The following SIM1 variants were observed in gnomAD, a reference collection of about 807,000 sequenced individuals.
SIM1 encodes the protein single-minded homolog 1.
Under a neutral mutation model 78.2 loss-of-function variants are expected in SIM1, and 18 were observed. The observed-to-expected ratio is 0.23, with a 90% confidence interval of 0.16 to 0.34. The LOEUF (loss-of-function observed/expected upper bound fraction) is 0.34, where lower values mean the gene tolerates loss of function less well. Ranked by LOEUF, SIM1 falls within the 10% of genes least tolerant of loss-of-function variation. The probability of loss-of-function intolerance (pLI) is 1.00; values close to 1 mark genes in which losing one functional copy is unlikely to be tolerated. For synonymous variants in SIM1, 417 were observed against 385.2 expected (o/e 1.08, Z -0.97); for missense variants, 939 against 975.1 (o/e 0.96, Z 0.49).
intron 10 of SIM1, among the ~76,000 whole-genome samples, chr6:100,394,651 C>T (rs780968840): frequency 8.5e-5 from 13 of 152,106 alleles, no homozygotes; most frequent in Non-Finnish European, 1.6e-4. Context: ...GCAATTCTCC[C>T]GCCTCAGCCT....
Position 100,427,614 on chromosome 6 carries a change from A to T in SIM1, c.999-6656T>A, listed in dbSNP as rs144205924. ...AAATTGTGAAATGTTGATATGTGGC[A>T]AAGTCAGTCAGCCTCATAACAGAGA... is the stretch of plus-strand genomic sequence containing the variant. On this transcript the variant is annotated intron_variant, in intron 9 of 11. Transcript: ENST00000369208. Among the ~76,000 whole-genome samples, 398 of 152,348 alleles carry T rather than the reference A, an allele frequency of 2.6e-3. 1 individual carries two copies. Among genetic ancestry groups the T allele is most frequent in the African/African-American group, 9.2e-3 (381 of 41,572 alleles).
chr6:100,457,865 T>TGCCTGCACTCGGCAGTGCCC (rs1253253397), intron 2 of SIM1, among the ~76,000 whole-genome samples: 4 of 152,200 alleles, frequency 2.6e-5, no homozygotes, highest in Non-Finnish European at 4.4e-5. Context: ...CCACAGTGTG[T>TGCCTGCACTCGGCAGTGCCC]GCCTGCACTC....
intron 10 of SIM1, among the ~76,000 whole-genome samples, chr6:100,406,539 G>A (rs1156560944): frequency 6.6e-6 from 1 of 152,130 alleles, no homozygotes; most frequent in Non-Finnish European, 1.5e-5. Context: ...AGAAATTGAA[G>A]CTTAAAGGCC....
At chr6:100,396,299 G>A (rs1165724170) in intron 10 of SIM1, among the ~76,000 whole-genome samples, 2 of 151,944 alleles carry the variant, frequency 1.3e-5, no homozygotes, top group Non-Finnish European at 2.9e-5. Context: ...TTTTATAAAA[G>A]TATAAACCAG....
In SIM1 at chr6:100,390,044, T is replaced by C. The variant is rs904127017; in HGVS notation, c.*317A>G. ...ATCACTGGATAGTCACAATGCAATG[T>C]TGTCATTCATCAGTCCTCTCATGTA... is the stretch of plus-strand genomic sequence containing the variant. On this transcript the variant is annotated 3_prime_UTR_variant, in exon 12 of 12. Coordinates refer to ENST00000369208, the MANE Select transcript of SIM1 (RefSeq NM_005068.3). 4.9e-6 allele frequency: 2 copies of C among 411,980 alleles called. No homozygotes were observed. Among genetic ancestry groups the C allele is most frequent in the Non-Finnish European group, 8.6e-6 (2 of 233,292 alleles). The allele number at this position is 411,980 out of a possible 1,614,324, so 25.5% of individuals were successfully genotyped here. A position where few individuals can be genotyped will look rare whatever the true frequency, so the allele number is the denominator to read the frequency against.
chr6:100,450,696 TCACACACA>T (rs112151329), intron 3 of SIM1, among the ~76,000 whole-genome samples: 6,887 of 91,876 alleles, frequency 0.075, 681 homozygotes, highest in African/African-American at 0.24. Context: ...TCTCTCTCTC[TCACACACA>T]CACACACACA....
chr6:100,450,227 T>A (rs1469073614), intron 4 of SIM1, 40 bp downstream of exon 4: 3 of 1,557,556 alleles, frequency 1.9e-6, no homozygotes, highest in East Asian at 4.5e-5. Context: ...CAGCTCTGGC[T>A]GTAAACACTG....
At chr6:100,454,402 C>T (rs1772592603) in intron 2 of SIM1, among the ~76,000 whole-genome samples, 1 of 152,152 alleles carries the variant, frequency 6.6e-6, no homozygotes, top group South Asian at 2.1e-4. Flanking sequence ...AAAATTAGTT[C>T]CCTGGCGGAT....
chr6:100,455,294 C>G (rs1237550532), intron 2 of SIM1, among the ~76,000 whole-genome samples: 1 of 152,138 alleles, frequency 6.6e-6, no homozygotes, highest in Admixed American at 6.5e-5. Flanking sequence ...ACTCCTCTAC[C>G]TCTCTGGCTC....
rs565245432 is a variant in SIM1 at position 100,421,342 on chromosome 6, G to A, written c.999-384C>T. Among the ~76,000 whole-genome samples the A allele has an allele frequency of 1.8e-4, 27 of 152,264 alleles. No individual in the cohort carries two copies. The South Asian group carries it at 1.9e-3, about 11-fold the overall frequency. On this transcript the variant is annotated intron_variant, in intron 9 of 11. Transcript: ENST00000369208. ...ATAAGGAGAATGTCTACTTTCAGCT[G>A]TTCTAGGATCAATCATTCTGGTAAA...
At chr6:100,402,794 TC>T (rs1270157049) in intron 10 of SIM1, among the ~76,000 whole-genome samples, 1 of 152,052 alleles carries the variant, frequency 6.6e-6, no homozygotes, top group African/African-American at 2.4e-5. Context: ...GCCAGGATGG[TC>T]TCGATCTCCT....
intron 10 of SIM1, among the ~76,000 whole-genome samples, chr6:100,399,243 A>G (rs1770848865): frequency 1.3e-5 from 2 of 152,102 alleles, no homozygotes; most frequent in Non-Finnish European, 2.9e-5. Flanking sequence ...AAATATATTC[A>G]TACCAGGCAA....
At chr6:100,449,540 C>T (rs1377853422) in intron 5 of SIM1, 51 bp downstream of exon 5, 2 of 1,593,754 alleles carry the variant, frequency 1.3e-6, no homozygotes, top group Non-Finnish European at 1.7e-6. Flanking sequence ...GGGGAAAAAC[C>T]ACAAGCGGAC....
At chr6:100,440,788 G>C (rs1032967172) in intron 9 of SIM1, among the ~76,000 whole-genome samples, 2 of 152,342 alleles carry the variant, frequency 1.3e-5, no homozygotes, top group East Asian at 3.9e-4. Context: ...AGAGAAGGAA[G>C]TATTGGTTAA....
chr6:100,399,713 T>A (rs746358927), intron 10 of SIM1, among the ~76,000 whole-genome samples: 1 of 152,058 alleles, frequency 6.6e-6, no homozygotes, highest in Non-Finnish European at 1.5e-5. Context: ...AAATATAGCA[T>A]AATGCATTCA....
intron 1 of SIM1, among the ~76,000 whole-genome samples, 188 bp downstream of exon 1, chr6:100,464,426 C>A (rs773490511): frequency 5.9e-5 from 9 of 152,202 alleles, no homozygotes; most frequent in Admixed American, 1.3e-4. Context: ...CCCAAGGCGA[C>A]CCAGCGCTCT....
chr6:100,448,928 G>C (rs1312782400), intron 6 of SIM1, among the ~76,000 whole-genome samples: 3 of 152,280 alleles, frequency 2.0e-5, no homozygotes, highest in South Asian at 2.1e-4. Flanking sequence ...TAACGCATCC[G>C]AATAGCGAAG....
At chr6:100,451,821 G>A (rs1350750674) in intron 3 of SIM1, among the ~76,000 whole-genome samples, 1 of 152,218 alleles carries the variant, frequency 6.6e-6, no homozygotes, top group Non-Finnish European at 1.5e-5. Flanking sequence ...GGGGGAGGGA[G>A]ATAATGCCTC....
At chr6:100,399,904 A>T (rs928497301) in intron 10 of SIM1, among the ~76,000 whole-genome samples, 1 of 152,204 alleles carries the variant, frequency 6.6e-6, no homozygotes, top group Middle Eastern at 3.4e-3. Flanking sequence ...AAATAAAGGG[A>T]AAGGCAAACA....
Sources: allele counts gnomAD v4.1 joint callset (sites outside exome capture counted in the v4.1 genomes callset), GRCh38; gene constraint gnomAD v4.1.1; transcripts MANE v1.5; gene names NCBI Gene and HGNC (gene_info 2026-07-23, HGNC 2026-07-21).